The following BANP variants were observed in gnomAD, a reference collection of about 807,000 sequenced individuals.
The protein encoded by BANP is BTG3 associated nuclear protein.
Under a neutral mutation model 68.1 loss-of-function variants are expected in BANP, and 11 were observed. That is an observed-to-expected ratio of 0.16 (90% CI 0.10 to 0.27). BANP has a LOEUF of 0.27. Ranked by LOEUF, BANP falls within the 10% of genes least tolerant of loss-of-function variation. BANP has a pLI of 1.00. For missense variants in BANP, 504 were observed against 722.7 expected (o/e 0.70, Z 3.47); for synonymous variants, 329 against 303.2 (o/e 1.09, Z -0.88).
chr16:88,042,950 CAAAAAATTAAAATACTT>C (rs1040154212), intron 11 of BANP, among the ~76,000 whole-genome samples: 1 of 152,118 alleles, frequency 6.6e-6, no homozygotes, highest in Non-Finnish European at 1.5e-5. Flanking sequence ...AATGGTTTTT[CAAAAAATTAAAATACTT>C]AAAAAATTAT....
rs2152919269 is a variant in BANP, at chr16:88,071,343, TGGA to T, written c.1378-724_1378-722del. 2.6e-6 allele frequency: 1 copy of T among 380,136 alleles called. No homozygotes were observed. The highest frequency in any genetic ancestry group is 5.3e-6 in the Non-Finnish European group (1 of 190,170). 23.5% of individuals were successfully genotyped at this position (380,136 alleles called of 1,614,324 possible). On this transcript the variant is annotated intron_variant, in intron 12 of 13. Coordinates refer to ENST00000682872, the MANE Select transcript of BANP (RefSeq NM_001386991.1). The surrounding 1 kb of genome is among the most constrained non-coding windows in gnomAD (Gnocchi z 6.5). ...ACACCGGAGCTGCCTGCCTGGATGT[TGGA>T]GCGCCCAGTGGATTGAGTGGGAAGT... is the stretch of plus-strand genomic sequence containing the variant.
At chr16:88,068,691 G>T (rs1484450167) in intron 12 of BANP, among the ~76,000 whole-genome samples, 1 of 152,038 alleles carries the variant, frequency 6.6e-6, no homozygotes, top group Non-Finnish European at 1.5e-5. Flanking sequence ...CCAGGACAGA[G>T]TGACTGCCTG....
chr16:88,056,899 T>C (rs1447912064), intron 11 of BANP, among the ~76,000 whole-genome samples: 1 of 152,202 alleles, frequency 6.6e-6, no homozygotes, highest in African/African-American at 2.4e-5. Flanking sequence ...ATTGAAGACA[T>C]TTGGAAATAC....
At chr16:88,045,383 G>A (rs1156541903) in intron 11 of BANP, among the ~76,000 whole-genome samples, 3 of 152,234 alleles carry the variant, frequency 2.0e-5, no homozygotes, top group East Asian at 1.9e-4. Context: ...GCACTTGAGC[G>A]TTTCTTGCAG....
Position 88,018,269 on chromosome 16 carries a change from G to T in BANP, c.656-159G>T, listed in dbSNP as rs1174252205. 6.6e-6 allele frequency among the ~76,000 whole-genome samples: 1 copy of T among 152,110 alleles called. No homozygotes were observed. The highest frequency in any genetic ancestry group is 1.5e-5 in the Non-Finnish European group (1 of 68,014). On this transcript the variant is annotated intron_variant, in intron 6 of 13. Coordinates refer to ENST00000682872, the MANE Select transcript of BANP (RefSeq NM_001386991.1). The surrounding 1 kb of genome is among the most constrained non-coding windows in gnomAD (Gnocchi z 7.7). ...GTTCTTTCTTGGGCAGCAGTCGGAG[G>T]CTCCAGCGCTCTTGGTGACTGCCTC...
chr16:88,067,407 C>G, intron 12 of BANP, among the ~76,000 whole-genome samples: 1 of 152,062 alleles, frequency 6.6e-6, no homozygotes, highest in East Asian at 1.9e-4. Flanking sequence ...GGAGGAGACT[C>G]GAGCTGGAAC....
intron 4 of BANP, among the ~76,000 whole-genome samples, chr16:87,990,685 T>C (rs1429620050): frequency 2.0e-5 from 3 of 152,224 alleles, no homozygotes; most frequent in Non-Finnish European, 4.4e-5. Context: ...TTTTGGTTGC[T>C]TTCGTTTAAT....
intron 6 of BANP, among the ~76,000 whole-genome samples, chr16:88,008,714 TTAGC>T (rs1469154089): frequency 6.6e-6 from 1 of 152,364 alleles, no homozygotes; most frequent in Non-Finnish European, 1.5e-5. Context: ...ACATTTTTCT[TTAGC>T]TAGGCTTTGA....
rs1304740331 is a variant in BANP at position 88,057,101 on chromosome 16, T to A, written c.1312-8166T>A. Among the ~76,000 whole-genome samples, 4 of 152,172 alleles carry A rather than the reference T, an allele frequency of 2.6e-5. No homozygotes were observed. Among genetic ancestry groups the A allele is most frequent in the Non-Finnish European group, 4.4e-5 (3 of 68,026 alleles). Reference sequence around the variant, plus strand: ...TTCTGAATAAGGGAGTTTTGGTGATTCTTTGGGTGTTCTGAGACTTTTCTG... The same window carrying A: ...TTCTGAATAAGGGAGTTTTGGTGATACTTTGGGTGTTCTGAGACTTTTCTG... On this transcript the variant is annotated intron_variant, in intron 11 of 13. Coordinates refer to ENST00000682872, the MANE Select transcript of BANP (RefSeq NM_001386991.1). The surrounding 1 kb of genome is among the most constrained non-coding windows in gnomAD (Gnocchi z 4.6).
intron 11 of BANP, among the ~76,000 whole-genome samples, 172 bp from the exon 12 acceptor site, chr16:88,065,095 G>A (rs1398869561): frequency 6.6e-6 from 1 of 152,192 alleles, no homozygotes; most frequent in Non-Finnish European, 1.5e-5. Context: ...TTAATAAAGA[G>A]CCCTTTGGGG....
At chr16:88,015,938 G>A (rs1175492873) in intron 6 of BANP, among the ~76,000 whole-genome samples, 1 of 152,250 alleles carries the variant, frequency 6.6e-6, no homozygotes, top group East Asian at 1.9e-4. Context: ...GCATCTGATG[G>A]TGTCACCCTG....
At position 88,004,326 on chromosome 16, in the gene BANP, A is replaced by G. The variant is rs1239062075; in HGVS notation, c.394A>G (p.Asn132Asp). The change falls in exon 5 of 14, where the codon AAT becomes GAT. Residue 132 changes from asparagine to aspartate, a missense_variant. Physicochemically the swap from Asn to Asp is conservative, Grantham distance 23. Coordinates refer to ENST00000682872, the MANE Select transcript of BANP (RefSeq NM_001386991.1). The surrounding 1 kb of genome is among the most constrained non-coding windows in gnomAD (Gnocchi z 7.0). ...CCCCCAGACTACAGTAATACTCAACAATGATCGGCAGAACGCCATTGTAGC... is the reference window on the plus strand; with the variant it reads ...CCCCCAGACTACAGTAATACTCAACGATGATCGGCAGAACGCCATTGTAGC... Reference protein sequence around the residue: ...VVPQTTVILNNDRQNAIVAKM... With the variant: ...VVPQTTVILNDDRQNAIVAKM... 6.5e-7 allele frequency: 1 copy of G among 1,549,734 alleles called. No homozygotes were observed. The highest frequency in any genetic ancestry group is 8.7e-7 in the Non-Finnish European group (1 of 1,145,812).
rs554419367 is a variant in BANP at position 88,055,391 on chromosome 16, T to G, written c.1312-9876T>G. Among the ~76,000 whole-genome samples, 3 of 152,302 alleles carry G rather than the reference T, an allele frequency of 2.0e-5. No homozygotes were observed. The East Asian group carries it at 5.8e-4, about 29-fold the overall frequency. The stretch of plus-strand genomic sequence containing the variant: ...TGACGGATCCAGGGCGTTCCCACTG[T>G]GCACCTGTGCAATGACTTGACCAGG... On this transcript the variant is annotated intron_variant, in intron 11 of 13. Coordinates refer to ENST00000682872, the MANE Select transcript of BANP (RefSeq NM_001386991.1).
intron 2 of BANP, among the ~76,000 whole-genome samples, chr16:87,975,856 GCGT>G (rs2062011222): frequency 1.3e-5 from 2 of 149,594 alleles, no homozygotes; most frequent in Non-Finnish European, 3.0e-5. Flanking sequence ...CCTGTGTGTG[GCGT>G]CATGGAACCT....
chr16:88,012,789 G>A (rs1211389828), intron 6 of BANP, among the ~76,000 whole-genome samples: 1 of 152,160 alleles, frequency 6.6e-6, no homozygotes, highest in Non-Finnish European at 1.5e-5. Context: ...GTAGGAGAGA[G>A]AGGGATCTTA....
chr16:88,005,691 G>A (rs765410465), intron 5 of BANP, among the ~76,000 whole-genome samples: 2 of 152,220 alleles, frequency 1.3e-5, no homozygotes, highest in African/African-American at 2.4e-5. Flanking sequence ...GCCCAGCAGC[G>A]TGGATCGAAT....
chr16:87,985,266 G>A lies in BANP; in HGVS notation c.362+1007G>A, dbSNP rs8056046. Among the ~76,000 whole-genome samples, 814 of 152,330 alleles carry A rather than the reference G, an allele frequency of 5.3e-3. 10 individuals carry two copies. The highest frequency in any genetic ancestry group is 0.018 in the African/African-American group (764 of 41,566). On this transcript the variant is annotated intron_variant, in intron 4 of 13. Transcript: ENST00000682872. ...CGGGCATGCCGGGGCTTTTGGAAAC[G>A]CTACCCGGCCGTCTTCCGAGCTCCG...
rs545184389 is a variant in BANP at position 88,057,209 on chromosome 16, C to G, written c.1312-8058C>G. 1.1e-4 allele frequency among the ~76,000 whole-genome samples: 16 copies of G among 152,210 alleles called. No homozygotes were observed. The highest frequency in any genetic ancestry group is 3.6e-4 in the African/African-American group (15 of 41,516). On this transcript the variant is annotated intron_variant, in intron 11 of 13. Transcript: ENST00000682872. The surrounding 1 kb of genome is among the most constrained non-coding windows in gnomAD (Gnocchi z 4.6). ...GGGGAGCGACTTCACACAGCTGGCA[C>G]GGGATGCTTCGAAGTGGGGTACGGG...
At chr16:87,956,180 A>G (rs1285357499) in intron 1 of BANP, among the ~76,000 whole-genome samples, 1 of 152,246 alleles carries the variant, frequency 6.6e-6, no homozygotes, top group African/African-American at 2.4e-5. Context: ...AGTGATTGAC[A>G]TGACATGGAG....
Sources: gnomAD v4.1 joint callset for allele counts (sites outside exome capture counted in the v4.1 genomes callset) on GRCh38, gnomAD v4.1.1 for gene constraint, Gnocchi (gnomAD v3.1) non-coding constraint, MANE v1.5 for transcripts, NCBI Gene and HGNC (gene_info 2026-07-23, HGNC 2026-07-21) for gene names.